The following GALNT8 variants were observed in gnomAD, a reference collection of about 807,000 sequenced individuals.
The protein encoded by GALNT8 is probable polypeptide N-acetylgalactosaminyltransferase 8.
Under a neutral mutation model 62.7 loss-of-function variants are expected in GALNT8, and 66 were observed. The ratio of observed to expected loss-of-function variants is 1.05; its 90% CI spans 0.86 to 1.29. GALNT8 has a LOEUF of 1.29. Ranked by LOEUF, GALNT8 falls within the 50% of genes most tolerant of loss-of-function variation. GALNT8 has a pLI of 0.00. For missense variants in GALNT8, 771 were observed against 791.8 expected (o/e 0.97, Z 0.32); for synonymous variants, 288 against 294.3 (o/e 0.98, Z 0.22).
chr12:4,739,256 C>T lies in GALNT8; in HGVS notation c.603C>T (p.Ile201=). The change falls in exon 3 of 11, where the codon ATC becomes ATT. Residue 201 remains isoleucine, a synonymous_variant. Transcript: ENST00000252318. ...CTCTGTCCATTATACAACGGGCCAT[C>T]ACCAGTATCATCAACCGGACGCCCT... ...NEALSIIQRA[I]TSIINRTPSR... The T allele has an allele frequency of 6.2e-7, 1 of 1,613,376 alleles. No individual in the cohort carries two copies. The highest frequency in any genetic ancestry group is 8.5e-7 in the Non-Finnish European group (1 of 1,179,318).
At chr12:4,735,516 T>C (rs989013557) in intron 2 of GALNT8, among the ~76,000 whole-genome samples, 11 of 152,130 alleles carry the variant, frequency 7.2e-5, no homozygotes, top group Admixed American at 5.9e-4. Context: ...ACCTTCTCCT[T>C]CCTCCACTAG....
chr12:4,760,615 T>C (rs961495348), intron 6 of GALNT8, among the ~76,000 whole-genome samples: 4 of 152,260 alleles, frequency 2.6e-5, no homozygotes, highest in East Asian at 1.9e-4. Flanking sequence ...ATGAGGAACT[T>C]AGTGCAGTGA....
At chr12:4,770,227 G>A (rs1464287514) in intron 10 of GALNT8, among the ~76,000 whole-genome samples, 4 of 151,682 alleles carry the variant, frequency 2.6e-5, no homozygotes, top group Non-Finnish European at 4.4e-5. Flanking sequence ...ACCTGAACCC[G>A]GGAGGCGGAG....
chr12:4,745,186 G>C (rs1946291408), intron 4 of GALNT8, among the ~76,000 whole-genome samples: 1 of 152,138 alleles, frequency 6.6e-6, no homozygotes, highest in South Asian at 2.1e-4. Flanking sequence ...CAACGGCCTG[G>C]GGGTGTTACC....
intron 2 of GALNT8, among the ~76,000 whole-genome samples, chr12:4,733,585 C>T (rs745829942): frequency 6.6e-6 from 1 of 152,132 alleles, no homozygotes; most frequent in Non-Finnish European, 1.5e-5. Context: ...AACATAATCA[C>T]CTATTCTTAC....
chr12:4,732,209 C>T (rs146101601), intron 2 of GALNT8, among the ~76,000 whole-genome samples: 7 of 152,332 alleles, frequency 4.6e-5, no homozygotes, highest in South Asian at 2.1e-4. Flanking sequence ...GTGTTCCACA[C>T]GACAGTAGTT....
chr12:4,744,377 T>C, intron 3 of GALNT8, 140 bp from the exon 4 acceptor site: 1 of 602,454 alleles, frequency 1.7e-6, no homozygotes, highest in Non-Finnish European at 2.9e-6. Context: ...GGGGAAATAC[T>C]ACTTATTTTC....
chr12:4,772,605 A>C lies in GALNT8; in HGVS notation c.*8A>C. The C allele has an allele frequency of 6.2e-7, 1 of 1,607,560 alleles. No homozygotes were observed. Among genetic ancestry groups the C allele is most frequent in the Non-Finnish European group, 8.5e-7 (1 of 1,174,688 alleles). On this transcript the variant is annotated 3_prime_UTR_variant, in exon 11 of 11. Coordinates refer to ENST00000252318, the MANE Select transcript of GALNT8 (RefSeq NM_017417.2). ...CAGACCAACAGCCAGTGATCCTCAG[A>C]TGGTGCTGGATCTGGGTCATCAATT...
chr12:4,745,011 T>G (rs1015633264), intron 4 of GALNT8, among the ~76,000 whole-genome samples: 2 of 152,172 alleles, frequency 1.3e-5, no homozygotes, highest in East Asian at 3.8e-4. Context: ...TTTGGTTATT[T>G]TAAAGGTTTT....
chr12:4,763,140 G>T (rs1946380295), intron 7 of GALNT8, 113 bp from the exon 8 acceptor site: 1 of 835,252 alleles, frequency 1.2e-6, no homozygotes, highest in Admixed American at 2.1e-5. Flanking sequence ...GTTGCAGTCC[G>T]TCCACAAGGA....
chr12:4,733,249 A>G (rs1023200102), intron 2 of GALNT8, among the ~76,000 whole-genome samples: 9 of 152,342 alleles, frequency 5.9e-5, no homozygotes, highest in African/African-American at 2.2e-4. Flanking sequence ...GATAGATATA[A>G]AACATTTCGT....
chr12:4,733,050 T>C (rs537306421), intron 2 of GALNT8, among the ~76,000 whole-genome samples: 11 of 152,112 alleles, frequency 7.2e-5, no homozygotes, highest in African/African-American at 2.7e-4. Context: ...TTCCTCTAGA[T>C]GTCATCCAAC....
intron 10 of GALNT8, among the ~76,000 whole-genome samples, chr12:4,770,358 A>T (rs1452144986): frequency 6.6e-6 from 1 of 152,126 alleles, no homozygotes; most frequent in Non-Finnish European, 1.5e-5. Context: ...CCCAAAACAA[A>T]AATGTGTAAG....
intron 6 of GALNT8, among the ~76,000 whole-genome samples, chr12:4,748,175 C>T (rs142454184): frequency 8.3e-4 from 126 of 152,270 alleles, no homozygotes; most frequent in African/African-American, 2.9e-3. Flanking sequence ...TGGGCTGTCT[C>T]TTCACCTTGT....
Position 4,746,100 on chromosome 12 carries a change from G to A in GALNT8, c.1059-44G>A, listed in dbSNP as rs372223341. The A allele has an allele frequency of 4.1e-5, 47 of 1,143,894 alleles. No homozygotes were observed. In the African/African-American group the frequency reaches 6.2e-4, roughly 15 times the overall value. The allele number at this position is 1,143,894 out of a possible 1,614,324, so 70.9% of individuals were successfully genotyped here. On this transcript the variant is annotated intron_variant, in intron 5 of 10. Transcript: ENST00000252318. ...ATTGAGCATCCCACCCCTCGCCTCCGCTCCTTATGGAGAGATTAGTGACTC... is the reference window on the plus strand; with the variant it reads ...ATTGAGCATCCCACCCCTCGCCTCCACTCCTTATGGAGAGATTAGTGACTC...
At chr12:4,736,238 GGGCC>G (rs1565383534) in intron 2 of GALNT8, among the ~76,000 whole-genome samples, 1 of 152,170 alleles carries the variant, frequency 6.6e-6, no homozygotes. Flanking sequence ...TAGGGGCTTA[GGGCC>G]AACCTCTGAA....
chr12:4,723,318 T>A (rs1437826143), intron 1 of GALNT8, among the ~76,000 whole-genome samples: 1 of 152,190 alleles, frequency 6.6e-6, no homozygotes, highest in Non-Finnish European at 1.5e-5. Context: ...CCACAAGCCC[T>A]GGCTTACCTG....
At chr12:4,748,322 A>AT (rs1345773056) in intron 6 of GALNT8, among the ~76,000 whole-genome samples, 4 of 151,732 alleles carry the variant, frequency 2.6e-5, no homozygotes, top group East Asian at 1.9e-4. Context: ...GATTTTCCTC[A>AT]TTTTTTTCTT....
intron 10 of GALNT8, among the ~76,000 whole-genome samples, chr12:4,770,174 C>T (rs774243505): frequency 3.4e-4 from 52 of 151,694 alleles, no homozygotes; most frequent in East Asian, 1.9e-4. Flanking sequence ...TGGTGGTGGG[C>T]GCCTGTAATC....
Sources: gnomAD v4.1 joint callset for allele counts (sites outside exome capture counted in the v4.1 genomes callset) on GRCh38, gnomAD v4.1.1 for gene constraint, MANE v1.5 for transcripts, NCBI Gene and HGNC (gene_info 2026-07-23, HGNC 2026-07-21) for gene names.